TAFA2: variants seen among roughly 807,000 people sequenced by gnomAD.
The protein encoded by TAFA2 is TAFA chemokine like family member 2.
A neutral mutation model predicts 18.8 loss-of-function variants in TAFA2; 7 were observed. The observed-to-expected ratio is 0.37, with a 90% CI of 0.21 to 0.70. The LOEUF is 0.70. Ranked by LOEUF, TAFA2 falls within the 30% of genes least tolerant of loss-of-function variation. The pLI is 0.53. For synonymous variants in TAFA2, 60 were observed against 54.2 expected, an observed-to-expected ratio of 1.11 and a Z score of -0.47; for missense variants, 122 against 158.1, an observed-to-expected ratio of 0.77 and a Z score of 1.23.
At chr12:62,141,448 C>T (rs1409980970) in intron 1 of TAFA2, among the ~76,000 whole-genome samples, 1 of 152,224 alleles carries the variant, frequency 6.6e-6, no homozygotes. Flanking sequence ...CTTCAACCTG[C>T]AGAAGCTTTA....
intron 1 of TAFA2, among the ~76,000 whole-genome samples, chr12:62,156,288 A>G (rs2062368984): frequency 6.6e-6 from 1 of 152,182 alleles, no homozygotes; most frequent in Non-Finnish European, 1.5e-5. Context: ...CAAAACATCT[A>G]AAAACAGTAG....
chr12:61,876,515 A>G (rs1358239529), intron 1 of TAFA2, among the ~76,000 whole-genome samples: 1 of 152,192 alleles, frequency 6.6e-6, no homozygotes, highest in African/African-American at 2.4e-5. Flanking sequence ...TCAAGAGAGC[A>G]AAACAGCTTA....
At chr12:62,064,918 A>G (rs1248141645) in intron 1 of TAFA2, among the ~76,000 whole-genome samples, 5 of 152,060 alleles carry the variant, frequency 3.3e-5, no homozygotes, top group Non-Finnish European at 7.4e-5. Flanking sequence ...GTACCATTTT[A>G]TAAACTAGAG....
chr12:61,716,793 C>G (rs1450398198), intron 4 of TAFA2, among the ~76,000 whole-genome samples: 2 of 152,080 alleles, frequency 1.3e-5, no homozygotes, highest in African/African-American at 4.8e-5. Context: ...GATGAGCACT[C>G]TTTAGTTAAA....
intron 1 of TAFA2, among the ~76,000 whole-genome samples, chr12:62,181,647 C>G (rs890833507): frequency 1.3e-5 from 2 of 152,158 alleles, no homozygotes; most frequent in Non-Finnish European, 2.9e-5. Context: ...AACATAAGAA[C>G]TTCCAGAGCA....
chr12:62,255,961 C>T (rs1478935330), intron 1 of TAFA2, among the ~76,000 whole-genome samples: 5 of 151,844 alleles, frequency 3.3e-5, no homozygotes, highest in Admixed American at 6.6e-5. Flanking sequence ...TTCTAGTACA[C>T]TTTATGTACT....
chr12:62,198,132 A>T (rs924952878), intron 1 of TAFA2: 2 of 152,094 alleles, frequency 1.3e-5, no homozygotes, highest in African/African-American at 4.8e-5. Flanking sequence ...CAAACTCCTT[A>T]CCTCAAATCC....
chr12:62,051,391 G>A (rs1206930944), intron 1 of TAFA2, among the ~76,000 whole-genome samples: 1 of 152,100 alleles, frequency 6.6e-6, no homozygotes, highest in Non-Finnish European at 1.5e-5. Flanking sequence ...ATGCTCTATG[G>A]TAGGTACTGA....
chr12:61,955,048 T>A (rs1878602885), intron 1 of TAFA2, among the ~76,000 whole-genome samples: 1 of 152,140 alleles, frequency 6.6e-6, no homozygotes, highest in African/African-American at 2.4e-5. Flanking sequence ...TATATTGAAG[T>A]CTTGATATGG....
At chr12:61,839,734 G>A (rs751015446) in intron 2 of TAFA2, among the ~76,000 whole-genome samples, 48 of 151,982 alleles carry the variant, frequency 3.2e-4, no homozygotes, top group Non-Finnish European at 4.6e-4. Flanking sequence ...AACACTGGAA[G>A]GAAGGATGAA....
chr12:62,149,136 TTC>T (rs1321028666), intron 1 of TAFA2, among the ~76,000 whole-genome samples: 1 of 152,218 alleles, frequency 6.6e-6, no homozygotes, highest in East Asian at 1.9e-4. Context: ...GACAAAAAGA[TTC>T]ATGAACCCAC....
chr12:61,966,731 C>T (rs1879080984), intron 1 of TAFA2, among the ~76,000 whole-genome samples: 2 of 151,876 alleles, frequency 1.3e-5, no homozygotes, highest in African/African-American at 2.4e-5. Flanking sequence ...AGCAGATGTG[C>T]ATTACATGAT....
intron 1 of TAFA2, among the ~76,000 whole-genome samples, chr12:62,024,413 T>G (rs909221753): frequency 6.6e-6 from 1 of 152,146 alleles, no homozygotes; most frequent in African/African-American, 2.4e-5. Context: ...ATTGTTTGGT[T>G]AGAGCCCAAT....
At chr12:61,846,232 T>C (rs184570671) in intron 2 of TAFA2, among the ~76,000 whole-genome samples, 25 of 152,284 alleles carry the variant, frequency 1.6e-4, no homozygotes, top group African/African-American at 5.5e-4. Context: ...ACCAGACGGA[T>C]AGACTTTTTT....
chr12:61,811,667 T>C (rs542811689), intron 2 of TAFA2, among the ~76,000 whole-genome samples: 5 of 151,526 alleles, frequency 3.3e-5, no homozygotes, highest in Non-Finnish European at 7.4e-5. Context: ...GGGTCACTTT[T>C]AGCAGGGAGT....
intron 1 of TAFA2, among the ~76,000 whole-genome samples, chr12:61,947,761 A>G (rs896760681): frequency 2.0e-5 from 3 of 152,186 alleles, no homozygotes; most frequent in Admixed American, 6.5e-5. Flanking sequence ...TAATACATCA[A>G]TGCTTCATAT....
chr12:61,761,204 T>TA (rs1302390112), intron 2 of TAFA2, among the ~76,000 whole-genome samples: 2 of 152,094 alleles, frequency 1.3e-5, no homozygotes, highest in African/African-American at 4.8e-5. Flanking sequence ...ATAGGCATTT[T>TA]ACCAAAACCT....
intron 1 of TAFA2, among the ~76,000 whole-genome samples, chr12:61,894,957 T>G (rs554829432): frequency 2.0e-5 from 3 of 152,364 alleles, no homozygotes; most frequent in South Asian, 2.1e-4. Context: ...TTTCTCAGCA[T>G]GTTTACTACC....
chr12:62,072,903 C>T (rs967718709), intron 1 of TAFA2, among the ~76,000 whole-genome samples: 1 of 152,072 alleles, frequency 6.6e-6, no homozygotes, highest in African/African-American at 2.4e-5. Flanking sequence ...TACTTTAATC[C>T]TAGGATGACT....
Sources: gnomAD v4.1 joint callset for allele counts (sites outside exome capture counted in the v4.1 genomes callset) on GRCh38, gnomAD v4.1.1 for gene constraint, MANE v1.5 for transcripts, NCBI Gene and HGNC (gene_info 2026-07-23, HGNC 2026-07-21) for gene names.